FGGY: variants seen among roughly 807,000 people sequenced by gnomAD.
The protein encoded by FGGY is FGGY carbohydrate kinase domain-containing protein.
FGGY carries 72 observed loss-of-function variants against 71.3 expected under a neutral mutation model. The ratio of observed to expected loss-of-function variants is 1.01; its 90% CI spans 0.84 to 1.23. FGGY has a LOEUF of 1.23. FGGY is among the 50% of genes most tolerant of loss of function. The pLI, the probability that FGGY is intolerant of heterozygous loss-of-function variation, is 0.00. For missense variants in FGGY, 668 were observed against 682.3 expected (o/e 0.98, Z 0.23); for synonymous variants, 251 against 250.3 (o/e 1.00, Z -0.02).
At chr1:59,319,204 A>G (rs370653416) in intron 1 of FGGY, among the ~76,000 whole-genome samples, 20 of 152,180 alleles carry the variant, frequency 1.3e-4, no homozygotes, top group African/African-American at 4.8e-4. Flanking sequence ...GGTTTTAGAG[A>G]AGCTAAATAT....
At chr1:59,684,574 T>A (rs1339682617) in intron 14 of FGGY, among the ~76,000 whole-genome samples, 1 of 152,158 alleles carries the variant, frequency 6.6e-6, no homozygotes, top group African/African-American at 2.4e-5. Flanking sequence ...CAGCTCAACA[T>A]AGTAAATATT....
Position 59,518,324 on chromosome 1 carries a change from G to A in FGGY, c.799+5885G>A, listed in dbSNP as rs529540084. 1.2e-4 allele frequency among the ~76,000 whole-genome samples: 19 copies of A among 152,286 alleles called. No individual in the cohort carries two copies. In the East Asian group the frequency reaches 1.5e-3, roughly 12 times the overall value. ...TTCTAGAAGACAGGATAAAGGCTGCGATCTAAAGCCTGCGACTTTAGATAA... is the reference window on the plus strand; with the variant it reads ...TTCTAGAAGACAGGATAAAGGCTGCAATCTAAAGCCTGCGACTTTAGATAA... On this transcript the variant is annotated intron_variant, in intron 7 of 15. Transcript: ENST00000303721.
intron 14 of FGGY, among the ~76,000 whole-genome samples, chr1:59,683,396 TG>T (rs1472414929): frequency 3.3e-5 from 5 of 152,184 alleles, no homozygotes; most frequent in Non-Finnish European, 7.3e-5. Context: ...GCAGGGTTGT[TG>T]GGGGATTGCC....
intron 4 of FGGY, among the ~76,000 whole-genome samples, chr1:59,360,469 G>A (rs1281365862): frequency 6.6e-6 from 1 of 152,160 alleles, no homozygotes; most frequent in Non-Finnish European, 1.5e-5. Flanking sequence ...GAGTGGTGAA[G>A]GAGTACTGAG....
At chr1:59,567,348 A>G (rs955775721) in intron 8 of FGGY, among the ~76,000 whole-genome samples, 3 of 152,188 alleles carry the variant, frequency 2.0e-5, no homozygotes, top group Non-Finnish European at 4.4e-5. Context: ...AAACTGATTG[A>G]AAAGCATTAA....
chr1:59,707,603 C>T (rs1485150982), intron 14 of FGGY, among the ~76,000 whole-genome samples: 1 of 152,210 alleles, frequency 6.6e-6, no homozygotes, highest in Admixed American at 6.5e-5. Flanking sequence ...ATAAATAGTT[C>T]TCCACAGAAT....
chr1:59,749,079 G>A (rs2098223964), intron 14 of FGGY, among the ~76,000 whole-genome samples: 1 of 152,196 alleles, frequency 6.6e-6, no homozygotes, highest in African/African-American at 2.4e-5. Flanking sequence ...AACACAGGGA[G>A]GTATTGAGAG....
Position 59,462,905 on chromosome 1 carries a change from C to A in FGGY, c.670+5829C>A, listed in dbSNP as rs550206991. 9.3e-3 allele frequency among the ~76,000 whole-genome samples: 1,407 copies of A among 151,608 alleles called. 21 individuals carry two copies. The highest frequency in any genetic ancestry group is 0.032 in the African/African-American group (1,327 of 41,188). Reference sequence around the variant, plus strand: ...CATTGTGGAAGTCAGTGTGGTGATTCCTCAGGGATCTAGAACTAGAAATAC... The same window carrying A: ...CATTGTGGAAGTCAGTGTGGTGATTACTCAGGGATCTAGAACTAGAAATAC... On this transcript the variant is annotated intron_variant, in intron 6 of 15. Coordinates refer to ENST00000303721, the MANE Select transcript of FGGY (RefSeq NM_018291.5).
intron 9 of FGGY, among the ~76,000 whole-genome samples, chr1:59,623,712 A>G (rs1288853618): frequency 6.6e-6 from 1 of 152,098 alleles, no homozygotes; most frequent in African/African-American, 2.4e-5. Context: ...CACCTACTCC[A>G]ACTGTATAAT....
In FGGY at chr1:59,554,134, G is replaced by A. The variant is rs772275359; in HGVS notation, c.810G>A (p.Gly270=). 1.2e-6 allele frequency: 2 copies of A among 1,609,928 alleles called. No homozygotes were observed. The highest frequency in any genetic ancestry group is 1.7e-6 in the Non-Finnish European group (2 of 1,176,620). ...DAHAGGLGVI[G]ADVRGHGLIC... is the part of the protein sequence containing the mutation. ...TTTCCTTTCTCACAGGAGTGATTGG[G>A]GCAGATGTGAGAGGGCACGGCCTCA... Residue 270 remains glycine, a synonymous_variant, in exon 8 of 16, where the codon GGG becomes GGA. Transcript: ENST00000303721.
intron 14 of FGGY, among the ~76,000 whole-genome samples, chr1:59,750,853 A>G (rs1169168172): frequency 2.0e-5 from 3 of 152,118 alleles, no homozygotes; most frequent in Non-Finnish European, 4.4e-5. Flanking sequence ...CAAATGAGTC[A>G]GAGTTCCTCA....
At chr1:59,556,764 A>G (rs2095693168) in intron 8 of FGGY, among the ~76,000 whole-genome samples, 1 of 152,216 alleles carries the variant, frequency 6.6e-6, no homozygotes, top group African/African-American at 2.4e-5. Flanking sequence ...TACCTAGCAC[A>G]CAGCAGACAC....
chr1:59,305,085 C>T (rs2043256552), intron 1 of FGGY, among the ~76,000 whole-genome samples: 1 of 152,162 alleles, frequency 6.6e-6, no homozygotes, highest in South Asian at 2.1e-4. Context: ...GCTAGGACTT[C>T]CAATACTGTG....
intron 8 of FGGY, among the ~76,000 whole-genome samples, chr1:59,594,817 G>T (rs1256469739): frequency 6.6e-6 from 1 of 152,228 alleles, no homozygotes; most frequent in African/African-American, 2.4e-5. Flanking sequence ...AAGCCAGGCT[G>T]ACCCTGGTAG....
chr1:59,695,403 A>G (rs2097648511), intron 14 of FGGY, among the ~76,000 whole-genome samples: 1 of 152,216 alleles, frequency 6.6e-6, no homozygotes, highest in Admixed American at 6.5e-5. Flanking sequence ...TGTAGGACAC[A>G]TAGGAGCTTG....
At chr1:59,429,648 C>T (rs1469438113) in intron 5 of FGGY, among the ~76,000 whole-genome samples, 1 of 152,158 alleles carries the variant, frequency 6.6e-6, no homozygotes, top group Non-Finnish European at 1.5e-5. Flanking sequence ...AGTTTATTTC[C>T]AGCACACATG....
intron 14 of FGGY, among the ~76,000 whole-genome samples, chr1:59,682,186 G>T (rs1400321725): frequency 6.6e-6 from 1 of 152,176 alleles, no homozygotes; most frequent in East Asian, 1.9e-4. Context: ...AAAGCCAATG[G>T]CTAGAAAGTG....
At chr1:59,399,082 G>C (rs1319732477) in intron 5 of FGGY, among the ~76,000 whole-genome samples, 2 of 152,126 alleles carry the variant, frequency 1.3e-5, no homozygotes, top group Non-Finnish European at 2.9e-5. Context: ...GGGCCTCTTT[G>C]TATCTCAGTT....
chr1:59,683,824 A>G (rs1311781855), intron 14 of FGGY, among the ~76,000 whole-genome samples: 2 of 152,270 alleles, frequency 1.3e-5, no homozygotes, highest in Non-Finnish European at 2.9e-5. Context: ...TAAGTGCTAT[A>G]TAATGAACTT....
Sources: allele counts gnomAD v4.1 joint callset (sites outside exome capture counted in the v4.1 genomes callset), GRCh38; gene constraint gnomAD v4.1.1; transcripts MANE v1.5; gene names NCBI Gene and HGNC (gene_info 2026-07-23, HGNC 2026-07-21).